IMMP2L: variants seen among roughly 807,000 people sequenced by gnomAD.
IMMP2L encodes mitochondrial inner membrane protease subunit 2.
Under a neutral mutation model 19.3 loss-of-function variants are expected in IMMP2L, and 18 were observed. The observed-to-expected ratio is 0.93, with a 90% CI of 0.64 to 1.38. The LOEUF is 1.38. Ranked by LOEUF, IMMP2L falls within the 40% of genes most tolerant of loss-of-function variation. IMMP2L has a pLI of 0.00. For synonymous variants in IMMP2L, 76 were observed against 73.0 expected (o/e 1.04, Z -0.21); for missense variants, 233 against 218.2 (o/e 1.07, Z -0.43).
intron 3 of IMMP2L, among the ~76,000 whole-genome samples, chr7:111,378,937 A>G (rs780527798): frequency 6.6e-6 from 1 of 151,880 alleles, no homozygotes; most frequent in Non-Finnish European, 1.5e-5. Flanking sequence ...AAACAGGTAT[A>G]CAATTCCATA....
chr7:110,934,962 T>C (rs1484648334), intron 4 of IMMP2L, among the ~76,000 whole-genome samples: 1 of 152,204 alleles, frequency 6.6e-6, no homozygotes, highest in Non-Finnish European at 1.5e-5. Flanking sequence ...TTTGCCAGTC[T>C]GTGTCTTTTA....
At chr7:111,055,568 T>C (rs922536928) in intron 3 of IMMP2L, among the ~76,000 whole-genome samples, 10 of 152,236 alleles carry the variant, frequency 6.6e-5, no homozygotes, top group African/African-American at 2.2e-4. Context: ...TGGGTGCTGG[T>C]TTCTAATTTT....
chr7:111,029,276 G>T (rs1194014070), intron 3 of IMMP2L, among the ~76,000 whole-genome samples: 1 of 152,164 alleles, frequency 6.6e-6, no homozygotes, highest in East Asian at 1.9e-4. Context: ...TTACATCAGG[G>T]AAGGATCTGG....
At chr7:110,810,379 T>C (rs1421405358) in intron 5 of IMMP2L, among the ~76,000 whole-genome samples, 2 of 152,042 alleles carry the variant, frequency 1.3e-5, no homozygotes, top group African/African-American at 4.8e-5. Context: ...TCAGATAGCA[T>C]GTGTTGCTAA....
chr7:110,717,305 T>C (rs1316755937), intron 5 of IMMP2L, among the ~76,000 whole-genome samples: 1 of 152,040 alleles, frequency 6.6e-6, no homozygotes, highest in African/African-American at 2.4e-5. Flanking sequence ...TGAAACCCCA[T>C]CTCTACTAAA....
In IMMP2L at chr7:110,809,587, C is replaced by T. The variant is rs536756207; in HGVS notation, c.408+77006G>A. 2.6e-5 allele frequency among the ~76,000 whole-genome samples: 4 copies of T among 151,754 alleles called. No homozygotes were observed. In the East Asian group the frequency reaches 5.8e-4, roughly 22 times the overall value. On this transcript the variant is annotated intron_variant, in intron 5 of 5. Coordinates refer to ENST00000405709, the MANE Select transcript of IMMP2L (RefSeq NM_032549.4). The stretch of plus-strand genomic sequence containing the variant: ...ACATACTGTATTAATAACAAACGGG[C>T]CAGACCAAAAGGTAATATTACTTTA...
rs112818355 is a variant in IMMP2L at position 111,217,612 on chromosome 7, A to T, written c.240-254047T>A. Among the ~76,000 whole-genome samples, 531 of 152,254 alleles carry T rather than the reference A, an allele frequency of 3.5e-3. 2 individuals are homozygous for T. The highest frequency in any genetic ancestry group is 0.012 in the African/African-American group (503 of 41,566). ...GCTAATAACGTCCGTTGAGTCAGAA[A>T]GAGAATTGTGACAGAATTATCCAAT... On this transcript the variant is annotated intron_variant, in intron 3 of 5. Transcript: ENST00000405709.
intron 3 of IMMP2L, among the ~76,000 whole-genome samples, chr7:111,324,997 G>A (rs1050995161): frequency 2.6e-5 from 4 of 151,636 alleles, no homozygotes; most frequent in Admixed American, 1.3e-4. Flanking sequence ...GCCTGTGTGG[G>A]ATGCCATTTC....
chr7:111,303,345 C>T (rs1033165218), intron 3 of IMMP2L, among the ~76,000 whole-genome samples: 32 of 152,052 alleles, frequency 2.1e-4, no homozygotes, highest in Admixed American at 2.1e-3. Context: ...ATCACACAGA[C>T]ATCAGAACAA....
intron 3 of IMMP2L, among the ~76,000 whole-genome samples, chr7:111,183,186 A>C (rs1369607031): frequency 1.3e-5 from 2 of 152,112 alleles, no homozygotes; most frequent in Non-Finnish European, 1.5e-5. Context: ...CAAATAAGTA[A>C]GTAATAATGC....
chr7:111,419,461 G>A (rs1027470226), intron 3 of IMMP2L, among the ~76,000 whole-genome samples: 1 of 151,610 alleles, frequency 6.6e-6, no homozygotes, highest in African/African-American at 2.4e-5. Context: ...GGACAAACCT[G>A]TCTCCCGTGC....
At position 111,145,245 on chromosome 7, in the gene IMMP2L, T is replaced by C. The variant is rs1328590074; in HGVS notation, c.240-181680A>G. ...CTAGCAAGAAGCAGCTTTGTGAACA[T>C]ATGCACATAAGTCAAAAGGGAATAT... On this transcript the variant is annotated intron_variant, in intron 3 of 5. Coordinates refer to ENST00000405709, the MANE Select transcript of IMMP2L (RefSeq NM_032549.4). Among the ~76,000 whole-genome samples the C allele has an allele frequency of 2.6e-5, 4 of 152,160 alleles. No individual in the cohort carries two copies. In the East Asian group the frequency reaches 7.7e-4, roughly 29 times the overall value.
intron 3 of IMMP2L, among the ~76,000 whole-genome samples, chr7:111,035,556 A>G (rs1791254671): frequency 6.6e-6 from 1 of 152,168 alleles, no homozygotes; most frequent in South Asian, 2.1e-4. Context: ...GTGATTGTGC[A>G]GCCATAATTT....
intron 5 of IMMP2L, among the ~76,000 whole-genome samples, chr7:110,696,036 G>A (rs1188407979): frequency 6.6e-6 from 1 of 152,146 alleles, no homozygotes; most frequent in Non-Finnish European, 1.5e-5. Flanking sequence ...CTTTTCAAAA[G>A]TGGAAACAGT....
intron 3 of IMMP2L, among the ~76,000 whole-genome samples, chr7:111,375,436 C>T (rs1434245688): frequency 6.6e-6 from 1 of 152,018 alleles, no homozygotes; most frequent in African/African-American, 2.4e-5. Flanking sequence ...TCAACAAACA[C>T]AGTTCTCATG....
intron 3 of IMMP2L, chr7:111,411,202 G>A (rs1834391427): frequency 6.2e-6 from 1 of 162,100 alleles, no homozygotes; most frequent in Non-Finnish European, 1.3e-5. Context: ...AATTATGCAA[G>A]CTGGAAGGAA....
intron 3 of IMMP2L, among the ~76,000 whole-genome samples, chr7:111,032,469 T>C (rs1319121112): frequency 1.3e-5 from 2 of 151,904 alleles, no homozygotes; most frequent in Non-Finnish European, 2.9e-5. Flanking sequence ...ATGACTTATA[T>C]CCAAAATATA....
chr7:111,458,413 T>G (rs1839859589), intron 3 of IMMP2L, among the ~76,000 whole-genome samples: 1 of 152,042 alleles, frequency 6.6e-6, no homozygotes, highest in Non-Finnish European at 1.5e-5. Flanking sequence ...GCTATCATTC[T>G]GTCAAAAATA....
At position 110,877,350 on chromosome 7, in the gene IMMP2L, G is replaced by A. The variant is rs1809180473; in HGVS notation, c.408+9243C>T. 6.6e-6 allele frequency among the ~76,000 whole-genome samples: 1 copy of A among 152,170 alleles called. No individual in the cohort carries two copies. On this transcript the variant is annotated intron_variant, in intron 5 of 5. Coordinates refer to ENST00000405709, the MANE Select transcript of IMMP2L (RefSeq NM_032549.4). The surrounding 1 kb of genome is among the most constrained non-coding windows in gnomAD (Gnocchi z 4.0). The stretch of plus-strand genomic sequence containing the variant: ...AAAGTTCACAGTCTTTTCACACACA[G>A]AATCACTGTGCAATTATACTGCAAA...
Sources: gnomAD v4.1 joint callset for allele counts (sites outside exome capture counted in the v4.1 genomes callset) on GRCh38, gnomAD v4.1.1 for gene constraint, Gnocchi (gnomAD v3.1) non-coding constraint, MANE v1.5 for transcripts, NCBI Gene and HGNC (gene_info 2026-07-23, HGNC 2026-07-21) for gene names.